The following TMIGD1 variants were observed in gnomAD, a reference collection of about 807,000 sequenced individuals.
TMIGD1 encodes transmembrane and immunoglobulin domain-containing protein 1.
Under a neutral mutation model 27.5 loss-of-function variants are expected in TMIGD1, and 29 were observed. The observed-to-expected ratio is 1.05, with a 90% CI of 0.78 to 1.44. TMIGD1 has a LOEUF of 1.44. Among genes scored for constraint, TMIGD1 ranks in the 40% most tolerant of loss-of-function variants. The probability of loss-of-function intolerance (pLI) is 0.00; values close to 1 mark genes in which losing one functional copy is unlikely to be tolerated. For missense variants in TMIGD1, 334 were observed against 310.6 expected (o/e 1.08, Z -0.57); for synonymous variants, 109 against 110.3 (o/e 0.99, Z 0.07).
At chr17:30,317,947 G>A (rs1360325275) in intron 5 of TMIGD1, among the ~76,000 whole-genome samples, 1 of 150,832 alleles carries the variant, frequency 6.6e-6, no homozygotes, top group Non-Finnish European at 1.5e-5. Flanking sequence ...GCATGCCTGT[G>A]GTCCCAGCTA....
chr17:30,332,566 A>AT (rs1910015088), intron 1 of TMIGD1, among the ~76,000 whole-genome samples: 1 of 152,194 alleles, frequency 6.6e-6, no homozygotes, highest in African/African-American at 2.4e-5. Flanking sequence ...ATGTTCTCTG[A>AT]TAATAGAGAG....
At chr17:30,316,925 T>G (rs1480589992) in intron 6 of TMIGD1, 1 of 626,358 alleles carries the variant, frequency 1.6e-6, no homozygotes, top group Non-Finnish European at 2.8e-6. Context: ...GCATTTGCAT[T>G]GTGTGGCAAT....
intron 3 of TMIGD1, among the ~76,000 whole-genome samples, chr17:30,327,707 G>C (rs548245968): frequency 6.6e-6 from 1 of 151,500 alleles, no homozygotes; most frequent in South Asian, 2.1e-4. Flanking sequence ...CTACAGATGT[G>C]TGCCACCATG....
intron 1 of TMIGD1, among the ~76,000 whole-genome samples, chr17:30,332,894 C>T (rs1341727946): frequency 5.9e-5 from 9 of 152,102 alleles, no homozygotes; most frequent in African/African-American, 2.2e-4. Flanking sequence ...TTCTGCGCAA[C>T]AGGGACTGTG....
At chr17:30,328,329 C>G (rs979128160) in intron 3 of TMIGD1, among the ~76,000 whole-genome samples, 1 of 152,048 alleles carries the variant, frequency 6.6e-6, no homozygotes, top group East Asian at 1.9e-4. Flanking sequence ...AGCCACTGTG[C>G]CAGGCCATGA....
In TMIGD1 at chr17:30,316,423, A is replaced by G; in HGVS notation, c.*264T>C. 1 of 392,050 alleles carries G rather than the reference A, an allele frequency of 2.6e-6. No individual in the cohort carries two copies. Among genetic ancestry groups the G allele is most frequent in the East Asian group, 4.3e-5 (1 of 23,416 alleles). The allele number at this position is 392,050 out of a possible 1,614,324, so 24.3% of individuals were successfully genotyped here. ...CACACTAAACAGTAAATGATTACCA[A>G]CCTATTTGGAACAAATCTCAATTAA... On this transcript the variant is annotated 3_prime_UTR_variant, in exon 7 of 7. Coordinates refer to ENST00000328886, the MANE Select transcript of TMIGD1 (RefSeq NM_206832.3).
At position 30,329,488 on chromosome 17, in the gene TMIGD1, G is replaced by A. The variant is rs1347358945; in HGVS notation, c.124C>T (p.Leu42=). The stretch of plus-strand genomic sequence containing the variant: ...GCTTGGGAGCCAGGTGTAGTATCCA[G>A]GATATAGTTCTCAGTTTTACCATTC... ...TVNGKTENYI[L]DTTPGSQASL... Residue 42 remains leucine, a synonymous_variant, in exon 3 of 7, where the codon CTG becomes TTG. Transcript: ENST00000328886. 1.9e-6 allele frequency: 3 copies of A among 1,613,950 alleles called. No individual in the cohort carries two copies. The highest frequency in any genetic ancestry group is 2.5e-6 in the Non-Finnish European group (3 of 1,179,874).
intron 3 of TMIGD1, among the ~76,000 whole-genome samples, chr17:30,328,600 A>C (rs1909863327): frequency 6.6e-6 from 1 of 152,158 alleles, no homozygotes; most frequent in African/African-American, 2.4e-5. Flanking sequence ...CATTTCATGG[A>C]AACAAACAAA....
Position 30,316,671 on chromosome 17 carries a change from T to G in TMIGD1, c.*16A>C, listed in dbSNP as rs914062601. ...GATGCAAAACTCTCTCTGTATTCGATGGCATCTCAGCTTTCTCATCTGAAA... is the reference window on the plus strand; with the variant it reads ...GATGCAAAACTCTCTCTGTATTCGAGGGCATCTCAGCTTTCTCATCTGAAA... On this transcript the variant is annotated 3_prime_UTR_variant, in exon 7 of 7. Transcript: ENST00000328886. The G allele has an allele frequency of 6.2e-7, 1 of 1,613,236 alleles. No individual in the cohort carries two copies. Among genetic ancestry groups the G allele is most frequent in the Non-Finnish European group, 8.5e-7 (1 of 1,179,646 alleles).
rs768973941 is a variant in TMIGD1, at chr17:30,317,280, G to A, written c.745-47C>T. The A allele has an allele frequency of 9.6e-5, 154 of 1,609,972 alleles. No homozygotes were observed. In the Admixed American group the frequency reaches 2.5e-3, roughly 26 times the overall value. Reference sequence around the variant, plus strand: ...AATTAGCCTGCTTTTTAAGGCCCATGGAGAAATATTTTGAATGCATTAAGA... The same window carrying A: ...AATTAGCCTGCTTTTTAAGGCCCATAGAGAAATATTTTGAATGCATTAAGA... On this transcript the variant is annotated intron_variant, in intron 5 of 6. Coordinates refer to ENST00000328886, the MANE Select transcript of TMIGD1 (RefSeq NM_206832.3).
At chr17:30,330,406 C>T (rs1909938881) in intron 2 of TMIGD1, among the ~76,000 whole-genome samples, 1 of 151,956 alleles carries the variant, frequency 6.6e-6, no homozygotes, top group South Asian at 2.1e-4. Flanking sequence ...AGTGGGAAAG[C>T]AAGGGAATGA....
Position 30,316,693 on chromosome 17 carries a change from G to T in TMIGD1, c.786-3C>A, listed in dbSNP as rs1909424702. 6.2e-7 allele frequency: 1 copy of T among 1,612,692 alleles called. No individual in the cohort carries two copies. The highest frequency in any genetic ancestry group is 8.5e-7 in the Non-Finnish European group (1 of 1,179,404). On this transcript the variant is annotated splice_polypyrimidine_tract_variant and splice_region_variant and intron_variant, in intron 6 of 6. Transcript: ENST00000328886. ...CGATGGCATCTCAGCTTTCTCATCTGAAATGAATGAAGAAATTAATAATAA... is the reference window on the plus strand; with the variant it reads ...CGATGGCATCTCAGCTTTCTCATCTTAAATGAATGAAGAAATTAATAATAA...
chr17:30,325,128 G>A lies in TMIGD1; in HGVS notation c.362-34C>T, dbSNP rs748771378. 12 of 1,580,948 alleles carry A rather than the reference G, an allele frequency of 7.6e-6. No homozygotes were observed. The Admixed American group carries it at 1.6e-4, about 21-fold the overall frequency. On this transcript the variant is annotated intron_variant, in intron 3 of 6. Transcript: ENST00000328886. Reference sequence around the variant, plus strand: ...CTCAAGCATTTAGATTTAATTAGCAGATAAGCAATAGTTCACTGTCAGAGT... The same window carrying A: ...CTCAAGCATTTAGATTTAATTAGCAAATAAGCAATAGTTCACTGTCAGAGT...
chr17:30,317,090 C>T (rs1330467409), intron 6 of TMIGD1, 103 bp downstream of exon 6: 1 of 1,324,222 alleles, frequency 7.6e-7, no homozygotes, highest in Non-Finnish European at 1.1e-6. Flanking sequence ...GAACCCCTTC[C>T]CCTTCCAGCA....
At chr17:30,317,809 C>A (rs576268005) in intron 5 of TMIGD1, among the ~76,000 whole-genome samples, 4 of 151,294 alleles carry the variant, frequency 2.6e-5, no homozygotes, top group Admixed American at 2.0e-4. Context: ...GTGGCTCATG[C>A]CTGTAATCCT....
chr17:30,323,185 A>G (rs1218858137), intron 4 of TMIGD1, among the ~76,000 whole-genome samples: 1 of 152,152 alleles, frequency 6.6e-6, no homozygotes, highest in Admixed American at 6.5e-5. Context: ...AAATAAAAGA[A>G]AAAGAAAGAA....
Position 30,329,503 on chromosome 17 carries a change from T to C in TMIGD1, c.109A>G (p.Thr37Ala). ...GTAGTATCCAGGATATAGTTCTCAG[T>C]TTTACCATTCACAGTTAAAACAGAA... ...TSSVLTVNGKTENYILDTTPG... is the reference protein window; with the variant it reads ...TSSVLTVNGKAENYILDTTPG... Residue 37 changes from threonine (T) to alanine (A), a missense_variant, in exon 3 of 7, where the codon ACT (threonine) becomes GCT (alanine). Thr to Ala is a moderately conservative substitution (Grantham distance 58). Transcript: ENST00000328886. The C allele has an allele frequency of 6.2e-7, 1 of 1,612,826 alleles. No homozygotes were observed. Among genetic ancestry groups the C allele is most frequent in the Non-Finnish European group, 8.5e-7 (1 of 1,178,964 alleles).
rs1201681602 is a variant in TMIGD1, at chr17:30,319,249, G to GAAAAAAAAA, written c.641-345_641-337dup. Among the ~76,000 whole-genome samples the GAAAAAAAAA allele has an allele frequency of 1.4e-4, 10 of 70,894 alleles. 1 individual carries two copies. Among genetic ancestry groups the GAAAAAAAAA allele is most frequent in the East Asian group, 8.2e-4 (3 of 3,650 alleles). The allele number at this position is 70,894 out of a possible 152,430, so 46.5% of individuals were successfully genotyped here. On this transcript the variant is annotated intron_variant, in intron 4 of 6. Transcript: ENST00000328886. ...TGAAACCCCATCTGTAAAAAAAAAA[G>GAAAAAAAAA]AAAAAAAAAAAAATATATATATATA...
chr17:30,323,539 C>T (rs1909685114), intron 4 of TMIGD1, among the ~76,000 whole-genome samples: 1 of 152,056 alleles, frequency 6.6e-6, no homozygotes, highest in Non-Finnish European at 1.5e-5. Flanking sequence ...TGGAAGAGCC[C>T]CACCCAAAAC....
Sources: allele counts gnomAD v4.1 joint callset (sites outside exome capture counted in the v4.1 genomes callset), GRCh38; gene constraint gnomAD v4.1.1; transcripts MANE v1.5; gene names NCBI Gene and HGNC (gene_info 2026-07-23, HGNC 2026-07-21).